The following MYO5A variants were observed in gnomAD, a reference collection of about 807,000 sequenced individuals.
MYO5A encodes the protein unconventional myosin-Va.
Under a neutral mutation model 249.7 loss-of-function variants are expected in MYO5A, and 98 were observed. That is an observed-to-expected ratio of 0.39 (90% CI 0.33 to 0.46). The LOEUF (loss-of-function observed/expected upper bound fraction) is 0.46. Among genes scored for constraint, MYO5A ranks in the 20% least tolerant of loss-of-function variants. The pLI is 0.98. For missense variants in MYO5A, 1,696 were observed against 2,308.8 expected (o/e 0.73, Z 5.44); for synonymous variants, 778 against 810.6 (o/e 0.96, Z 0.68).
rs373686035 is a variant in MYO5A, at chr15:52,335,758, A to G, written c.4408+705T>C. ...TCTTATTTCTTTATCATCATAATTCATATTTTTCTTTTTTACTTCTCTATT... is the reference window on the plus strand; with the variant it reads ...TCTTATTTCTTTATCATCATAATTCGTATTTTTCTTTTTTACTTCTCTATT... On this transcript the variant is annotated intron_variant, in intron 34 of 41. Transcript: ENST00000399233. Among the ~76,000 whole-genome samples, 8 of 152,190 alleles carry G rather than the reference A, an allele frequency of 5.3e-5. 1 individual carries two copies. The East Asian group carries it at 1.5e-3, about 29-fold the overall frequency.
At chr15:52,413,585 C>A (rs930124847) in intron 5 of MYO5A, among the ~76,000 whole-genome samples, 2 of 152,102 alleles carry the variant, frequency 1.3e-5, no homozygotes, top group Non-Finnish European at 2.9e-5. Flanking sequence ...TTCCTGACAT[C>A]TCAGCAAAGG....
intron 5 of MYO5A, among the ~76,000 whole-genome samples, chr15:52,414,596 G>T (rs374932439): frequency 6.6e-6 from 1 of 151,990 alleles, no homozygotes; most frequent in East Asian, 1.9e-4. Context: ...GTCCAGGCCC[G>T]GAAGAAATGG....
At position 52,372,200 on chromosome 15, in the gene MYO5A, G is replaced by A; in HGVS notation, c.2741C>T (p.Ser914Leu). 1.2e-6 allele frequency: 2 copies of A among 1,613,624 alleles called. No homozygotes were observed. The highest frequency in any genetic ancestry group is 1.7e-6 in the Non-Finnish European group (2 of 1,180,030). The change falls in exon 21 of 42, where the codon TCA becomes TTA. Residue 914 changes from serine (S) to leucine (L), a missense_variant. Physicochemically the swap from Ser to Leu is moderately radical, Grantham distance 145. Transcript: ENST00000399233. Reference sequence around the variant, plus strand: ...GTGCAGCTTCTTATAGCGCTCCACTGAGCGAGCCTCGATTTTGAGCTTCTT... The same window carrying A: ...GTGCAGCTTCTTATAGCGCTCCACTAAGCGAGCCTCGATTTTGAGCTTCTT... ...ELKKLKIEAR[S>L]VERYKKLHIG...
chr15:52,494,671 T>G lies in MYO5A; in HGVS notation c.27+34109A>C, dbSNP rs142641002. 4.5e-4 allele frequency among the ~76,000 whole-genome samples: 68 copies of G among 152,256 alleles called. 1 individual carries two copies. In the East Asian group the frequency reaches 7.1e-3, roughly 16 times the overall value. ...CCACGTCCGGATAATTTTTGTATTT[T>G]TAGTAGAGATAGGTTTTTGCCAAGT... is the stretch of plus-strand genomic sequence containing the variant. On this transcript the variant is annotated intron_variant, in intron 1 of 41. Transcript: ENST00000399233.
chr15:52,361,391 C>T (rs1023429009), intron 24 of MYO5A, among the ~76,000 whole-genome samples: 2 of 152,136 alleles, frequency 1.3e-5, no homozygotes, highest in Admixed American at 6.5e-5. Flanking sequence ...AGAGAGATCC[C>T]TGTCTTCCCA....
chr15:52,441,893 T>C (rs1486611465), intron 1 of MYO5A, among the ~76,000 whole-genome samples: 1 of 152,222 alleles, frequency 6.6e-6, no homozygotes, highest in Non-Finnish European at 1.5e-5. Flanking sequence ...AAAACTTTTG[T>C]TATATGAGTG....
At chr15:52,357,679 C>T (rs180682216) in intron 25 of MYO5A, among the ~76,000 whole-genome samples, 31 of 152,050 alleles carry the variant, frequency 2.0e-4, no homozygotes, top group African/African-American at 7.0e-4. Context: ...CATTCTGAGC[C>T]CGGATGACAC....
At chr15:52,414,292 G>A (rs2043378912) in intron 5 of MYO5A, among the ~76,000 whole-genome samples, 1 of 152,136 alleles carries the variant, frequency 6.6e-6, no homozygotes, top group African/African-American at 2.4e-5. Flanking sequence ...CATGCTTACT[G>A]TACAGCCCAC....
At chr15:52,512,488 A>G (rs1300523160) in intron 1 of MYO5A, among the ~76,000 whole-genome samples, 1 of 151,990 alleles carries the variant, frequency 6.6e-6, no homozygotes, top group Non-Finnish European at 1.5e-5. Flanking sequence ...TAGAGAAAAT[A>G]GTATTCATAA....
intron 3 of MYO5A, 80 bp downstream of exon 3, chr15:52,428,318 T>C (rs543772620): frequency 1.4e-6 from 2 of 1,425,216 alleles, no homozygotes; most frequent in African/African-American, 2.8e-5. Flanking sequence ...CAGCCTGCTT[T>C]CCCCATGTAC....
intron 1 of MYO5A, among the ~76,000 whole-genome samples, chr15:52,494,932 G>C (rs2077008177): frequency 6.6e-6 from 1 of 152,122 alleles, no homozygotes; most frequent in African/African-American, 2.4e-5. Flanking sequence ...AATGTTAAAG[G>C]TTGGCAATAA....
chr15:52,505,589 C>A lies in MYO5A; in HGVS notation c.27+23191G>T, dbSNP rs2077251648. The A allele has an allele frequency of 2.0e-6, 3 of 1,510,312 alleles. No homozygotes were observed. The South Asian group carries it at 3.4e-5, about 17-fold the overall frequency. The allele number at this position is 1,510,312 out of a possible 1,614,324, so 93.6% of individuals were successfully genotyped here. ...TATGAATCAAAGAAAGCCAAAAAAC[C>A]TGCACTTGTTTCCAAGTCTTCCATC... On this transcript the variant is annotated intron_variant, in intron 1 of 41. Transcript: ENST00000399233.
At chr15:52,528,927 G>GA, upstream of MYO5A, 2 of 831,354 alleles carry the variant, frequency 2.4e-6, no homozygotes. Context: ...GGGCAGGGCC[G>GA]GGCGGGGAGG....
In MYO5A at chr15:52,405,403, G is replaced by C. The variant is rs778570094; in HGVS notation, c.947-10C>G. The C allele has an allele frequency of 4.5e-6, 7 of 1,553,012 alleles. No homozygotes were observed. In the Admixed American group the frequency reaches 1.0e-4, roughly 22 times the overall value. The stretch of plus-strand genomic sequence containing the variant: ...TGAGATTCACTAATTCCTGAAACAA[G>C]AGAGTGAATGAACAAGTGATTAATT... On this transcript the variant is annotated splice_polypyrimidine_tract_variant and intron_variant, in intron 8 of 41. Transcript: ENST00000399233.
chr15:52,411,834 AT>A (rs1263876865), intron 5 of MYO5A, among the ~76,000 whole-genome samples: 1 of 152,178 alleles, frequency 6.6e-6, no homozygotes, highest in East Asian at 1.9e-4. Context: ...TAGACATCCT[AT>A]TTTGTTTTGG....
intron 4 of MYO5A, among the ~76,000 whole-genome samples, chr15:52,425,295 G>A (rs2075369962): frequency 6.6e-6 from 1 of 152,138 alleles, no homozygotes; most frequent in Non-Finnish European, 1.5e-5. Flanking sequence ...GGATCATGAT[G>A]AAATTTCAAA....
intron 34 of MYO5A, among the ~76,000 whole-genome samples, chr15:52,332,842 G>A (rs2038952559): frequency 6.6e-6 from 1 of 152,116 alleles, no homozygotes; most frequent in Non-Finnish European, 1.5e-5. Flanking sequence ...GTACATGCCT[G>A]TAATCCCAGC....
intron 6 of MYO5A, among the ~76,000 whole-genome samples, chr15:52,409,270 T>TA (rs2043143741): frequency 6.6e-6 from 1 of 152,054 alleles, no homozygotes; most frequent in Non-Finnish European, 1.5e-5. Flanking sequence ...ACCTCTACTA[T>TA]TTGAACTCTA....
chr15:52,358,981 C>T (rs1486994900), intron 25 of MYO5A, among the ~76,000 whole-genome samples: 5 of 152,110 alleles, frequency 3.3e-5, no homozygotes, highest in Admixed American at 1.3e-4. Flanking sequence ...AATATAATGG[C>T]TTAAGAACAT....
Sources: allele counts gnomAD v4.1 joint callset (sites outside exome capture counted in the v4.1 genomes callset), GRCh38; gene constraint gnomAD v4.1.1; transcripts MANE v1.5; gene names NCBI Gene and HGNC (gene_info 2026-07-23, HGNC 2026-07-21).